Variants in NRXN3 observed in about 807,000 individuals in gnomAD.
NRXN3 encodes the protein neurexin III.
NRXN3 carries 32 observed loss-of-function variants against 137.6 expected under a neutral mutation model. The ratio of observed to expected loss-of-function variants is 0.23; its 90% CI spans 0.18 to 0.31. The LOEUF is 0.31. Ranked by LOEUF, NRXN3 falls within the 10% of genes least tolerant of loss-of-function variation. The probability of loss-of-function intolerance (pLI) is 1.00; values close to 1 mark genes in which losing one functional copy is unlikely to be tolerated. For missense variants in NRXN3, 1,574 were observed against 2,062.5 expected (o/e 0.76, Z 4.59); for synonymous variants, 798 against 784.5 (o/e 1.02, Z -0.29).
chr14:79,353,754 T>A (rs1035580660), intron 15 of NRXN3, among the ~76,000 whole-genome samples: 12 of 152,152 alleles, frequency 7.9e-5, no homozygotes, highest in African/African-American at 2.9e-4. Context: ...CACTTGGGTA[T>A]CATGAGCAAC....
At position 79,697,943 on chromosome 14, in the gene NRXN3, C is replaced by A. The variant is rs1293422144; in HGVS notation, c.4014+6C>A. On this transcript the variant is annotated splice_donor_region_variant and intron_variant, in intron 19 of 20. Coordinates refer to ENST00000335750, the MANE Select transcript of NRXN3 (RefSeq NM_001330195.2). ...GCTCTACAGCCAGCATTCAGGTAGG[C>A]CTTTTTCCAAGTATTAATTGCGTCT... 10 of 1,605,628 alleles carry A rather than the reference C, an allele frequency of 6.2e-6. No homozygotes were observed. Among genetic ancestry groups the A allele is most frequent in the Middle Eastern group, 1.7e-4 (1 of 6,046 alleles).
rs954974519 is a variant in NRXN3 at position 79,647,020 on chromosome 14, T to A, written c.3445-16758T>A. Reference sequence around the variant, plus strand: ...CTGATCTGTGGCCAGGTCTAAGTGTTGCCCCAATCCGTTCTCCCATCCAAC... The same window carrying A: ...CTGATCTGTGGCCAGGTCTAAGTGTAGCCCCAATCCGTTCTCCCATCCAAC... On this transcript the variant is annotated intron_variant, in intron 16 of 20. Transcript: ENST00000335750. 1.5e-5 allele frequency among the ~76,000 whole-genome samples: 2 copies of A among 135,466 alleles called. 1 individual carries two copies. The highest frequency in any genetic ancestry group is 3.4e-5 in the Non-Finnish European group (2 of 58,272). The allele number at this position is 135,466 out of a possible 152,430, so 88.9% of individuals were successfully genotyped here.
Position 78,429,246 on chromosome 14 carries a change from T to TATA in NRXN3, c.757+131386_757+131387insATA, listed in dbSNP as rs59488018. 5.5e-3 allele frequency among the ~76,000 whole-genome samples: 834 copies of TATA among 151,266 alleles called. 26 individuals carry two copies. In the East Asian group the frequency reaches 0.063, roughly 11 times the overall value. ...TGTGTGCAAACATATATATATATAT[T>TATA]TTTTGTATATTTAGTAGAGATGGGG... is the stretch of plus-strand genomic sequence containing the variant. On this transcript the variant is annotated intron_variant, in intron 4 of 20. Transcript: ENST00000335750.
chr14:79,776,438 C>T (rs1209839805), intron 19 of NRXN3, among the ~76,000 whole-genome samples: 2 of 152,168 alleles, frequency 1.3e-5, no homozygotes, highest in East Asian at 1.9e-4. Context: ...TCTGTGATCA[C>T]GTGGCAGTCA....
intron 20 of NRXN3, among the ~76,000 whole-genome samples, chr14:79,837,580 C>T (rs1445570515): frequency 2.0e-5 from 3 of 152,162 alleles, no homozygotes; most frequent in Admixed American, 6.6e-5. Flanking sequence ...TCTCTTTCTC[C>T]ATCGTGGGTT....
intron 4 of NRXN3, among the ~76,000 whole-genome samples, chr14:78,359,148 A>G (rs1279928131): frequency 6.6e-6 from 1 of 152,190 alleles, no homozygotes; most frequent in Non-Finnish European, 1.5e-5. Flanking sequence ...TTTAAAGAAA[A>G]TGATTTTCAA....
In NRXN3 at chr14:79,358,613, GAAAGAA is replaced by G. The variant is rs1378603575; in HGVS notation, c.3263-108606_3263-108601del. On this transcript the variant is annotated intron_variant, in intron 15 of 20. Coordinates refer to ENST00000335750, the MANE Select transcript of NRXN3 (RefSeq NM_001330195.2). ...AAAGAAAGAAAGAAAGAAAGAGAAA[GAAAGAA>G]AGAAAGAAAGAAAGAAAGAAAGAAA... Among the ~76,000 whole-genome samples, 308 of 129,116 alleles carry G rather than the reference GAAAGAA, an allele frequency of 2.4e-3. 2 individuals carry two copies. Among genetic ancestry groups the G allele is most frequent in the Admixed American group, 9.1e-3 (119 of 13,046 alleles). The allele number at this position is 129,116 out of a possible 152,430, so 84.7% of individuals were successfully genotyped here.
chr14:79,556,261 T>C (rs571216108), intron 16 of NRXN3, among the ~76,000 whole-genome samples: 1 of 152,294 alleles, frequency 6.6e-6, no homozygotes, highest in Non-Finnish European at 1.5e-5. Context: ...ATTTTATGTG[T>C]ATTATTCTCT....
rs1346824237 is a variant in NRXN3, at chr14:79,018,281, AAAAAAAAAAAAAAAAGAG to A, written c.3262+30142_3262+30159del. On this transcript the variant is annotated intron_variant, in intron 15 of 20. Coordinates refer to ENST00000335750, the MANE Select transcript of NRXN3 (RefSeq NM_001330195.2). ...GTCTCAAAAAAAAAAAAAAAAAAAA[AAAAAAAAAAAAAAAAGAG>A]AGAGAGCAAGAAGAGTGAAAGTTAT... Among the ~76,000 whole-genome samples, 14 of 60,232 alleles carry A rather than the reference AAAAAAAAAAAAAAAAGAG, an allele frequency of 2.3e-4. 1 individual carries two copies. Among genetic ancestry groups the A allele is most frequent in the African/African-American group, 7.4e-4 (14 of 18,866 alleles). The allele number at this position is 60,232 out of a possible 152,430, so 39.5% of individuals were successfully genotyped here. A position where few individuals can be genotyped will look rare whatever the true frequency, so the allele number is the denominator to read the frequency against.
chr14:79,602,868 T>C (rs2097943690), intron 16 of NRXN3, among the ~76,000 whole-genome samples: 1 of 152,162 alleles, frequency 6.6e-6, no homozygotes, highest in Admixed American at 6.5e-5. Context: ...TCCAACTACC[T>C]GCCAAGTGTC....
chr14:79,206,031 G>A (rs2066734737), intron 15 of NRXN3, among the ~76,000 whole-genome samples: 2 of 152,098 alleles, frequency 1.3e-5, no homozygotes, highest in African/African-American at 4.8e-5. Context: ...CATGCATGGA[G>A]GAACACACCA....
chr14:79,094,525 T>C (rs2152817533), intron 15 of NRXN3, among the ~76,000 whole-genome samples: 1 of 152,268 alleles, frequency 6.6e-6, no homozygotes, highest in South Asian at 2.1e-4. Flanking sequence ...TTCTGCAAAG[T>C]TTTTTATTCT....
intron 4 of NRXN3, among the ~76,000 whole-genome samples, chr14:78,494,421 G>GTTTTTTTTTTTTTTTTTTTTTTT (rs139596761): frequency 7.6e-6 from 1 of 132,442 alleles, no homozygotes; most frequent in Non-Finnish European, 1.7e-5. Flanking sequence ...TACCAGAGGT[G>GTTTTTTTTTTTTTTTTTTTTTTT]TTTTGTTTTT....
intron 15 of NRXN3, among the ~76,000 whole-genome samples, chr14:79,277,568 G>C (rs1598212859): frequency 1.3e-5 from 2 of 152,266 alleles, no homozygotes; most frequent in South Asian, 4.1e-4. Context: ...GCCACTGTTT[G>C]TCAGGTGCTC....
intron 19 of NRXN3, among the ~76,000 whole-genome samples, chr14:79,754,359 T>C (rs2099010092): frequency 6.6e-6 from 1 of 150,726 alleles, no homozygotes; most frequent in South Asian, 2.1e-4. Context: ...CATAAATAAA[T>C]AAAGTACAGG....
chr14:79,335,762 C>G (rs563468493), intron 15 of NRXN3, among the ~76,000 whole-genome samples: 1 of 151,760 alleles, frequency 6.6e-6, no homozygotes, highest in Non-Finnish European at 1.5e-5. Flanking sequence ...TTTATATAAC[C>G]CCAGCTGCTC....
intron 3 of NRXN3, among the ~76,000 whole-genome samples, chr14:78,286,107 G>T (rs1418551116): frequency 6.6e-6 from 1 of 152,168 alleles, no homozygotes; most frequent in Non-Finnish European, 1.5e-5. Context: ...CGGGGTATTG[G>T]TTATGGTCAC....
intron 10 of NRXN3, among the ~76,000 whole-genome samples, chr14:78,945,110 G>A (rs1338066309): frequency 1.3e-5 from 2 of 152,164 alleles, no homozygotes; most frequent in East Asian, 3.9e-4. Flanking sequence ...ACAAACAGAA[G>A]TATTTATTTT....
chr14:78,781,533 C>T (rs1595807503), intron 8 of NRXN3, among the ~76,000 whole-genome samples: 1 of 152,164 alleles, frequency 6.6e-6, no homozygotes, highest in African/African-American at 2.4e-5. Flanking sequence ...GGTTTATTCA[C>T]AAAGTTCTTA....
Sources: gnomAD v4.1 joint callset for allele counts (sites outside exome capture counted in the v4.1 genomes callset) on GRCh38, gnomAD v4.1.1 for gene constraint, MANE v1.5 for transcripts, NCBI Gene and HGNC (gene_info 2026-07-23, HGNC 2026-07-21) for gene names.